Variants in GPM6A observed in about 807,000 individuals in gnomAD.
GPM6A encodes neuronal membrane glycoprotein M6-a.
In GPM6A, 7 loss-of-function variants were observed where a neutral mutation model predicts 32.1. The ratio of observed to expected loss-of-function variants is 0.22; its 90% CI spans 0.12 to 0.41. The LOEUF (loss-of-function observed/expected upper bound fraction) is 0.41, where lower values mean the gene tolerates loss of function less well. Among genes scored for constraint, GPM6A ranks in the 10% least tolerant of loss-of-function variants. The pLI, the probability that GPM6A is intolerant of heterozygous loss-of-function variation, is 1.00. For synonymous variants in GPM6A, 130 were observed against 123.4 expected, an observed-to-expected ratio of 1.05 and a Z score of -0.35; for missense variants, 235 against 347.2, an observed-to-expected ratio of 0.68 and a Z score of 2.57.
chr4:175,898,583 G>A (rs919256202), intron 1 of GPM6A, among the ~76,000 whole-genome samples: 1 of 152,132 alleles, frequency 6.6e-6, no homozygotes, highest in Non-Finnish European at 1.5e-5. Flanking sequence ...GCACTGTGAT[G>A]TGACTGTCTG....
At chr4:175,858,101 G>A (rs551152053) in intron 1 of GPM6A, among the ~76,000 whole-genome samples, 4 of 152,062 alleles carry the variant, frequency 2.6e-5, no homozygotes, top group East Asian at 1.9e-4. Context: ...TAAATAGGTC[G>A]GCCAAAGATT....
chr4:175,902,602 G>A (rs1738003197), intron 1 of GPM6A, among the ~76,000 whole-genome samples: 1 of 152,132 alleles, frequency 6.6e-6, no homozygotes, highest in South Asian at 2.1e-4. Context: ...GGGGTGGCCA[G>A]ATTCTTCCTC....
intron 1 of GPM6A, among the ~76,000 whole-genome samples, chr4:175,995,902 C>T (rs888527121): frequency 7.5e-5 from 11 of 146,162 alleles, no homozygotes; most frequent in African/African-American, 2.7e-4. Flanking sequence ...TTATGTCGTT[C>T]ATACAGGTCA....
intron 1 of GPM6A, among the ~76,000 whole-genome samples, chr4:175,849,455 T>G (rs1167895833): frequency 7.9e-5 from 12 of 152,076 alleles, no homozygotes; most frequent in Admixed American, 7.9e-4. Context: ...CAATGGAGGA[T>G]CATTTGATGA....
intron 2 of GPM6A, among the ~76,000 whole-genome samples, chr4:175,699,251 C>A (rs1025730678): frequency 2.0e-5 from 3 of 152,114 alleles, no homozygotes; most frequent in African/African-American, 7.2e-5. Context: ...CTGCAATAAT[C>A]TAGAGCATTT....
At chr4:175,698,849 T>C (rs1450449097) in intron 2 of GPM6A, among the ~76,000 whole-genome samples, 1 of 152,206 alleles carries the variant, frequency 6.6e-6, no homozygotes, top group East Asian at 1.9e-4. Flanking sequence ...AAATTAAGCA[T>C]ATAATCTCCA....
chr4:175,990,426 AT>A (rs1432569205), intron 1 of GPM6A, among the ~76,000 whole-genome samples: 2 of 152,166 alleles, frequency 1.3e-5, no homozygotes, highest in African/African-American at 4.8e-5. Context: ...TGTCTTACAG[AT>A]TTTTAAATAG....
intron 1 of GPM6A, among the ~76,000 whole-genome samples, chr4:175,897,465 G>C (rs973532035): frequency 4.6e-5 from 7 of 152,246 alleles, no homozygotes; most frequent in South Asian, 2.1e-4. Context: ...TTGAGAAGGG[G>C]AGAGGTGAGG....
chr4:175,903,127 G>T (rs1156663436), intron 1 of GPM6A, among the ~76,000 whole-genome samples: 3 of 152,038 alleles, frequency 2.0e-5, no homozygotes, highest in Admixed American at 2.0e-4. Context: ...TTGATGAAGG[G>T]AAATAATGAT....
At chr4:175,818,137 T>C (rs752711419) in intron 1 of GPM6A, among the ~76,000 whole-genome samples, 1 of 152,196 alleles carries the variant, frequency 6.6e-6, no homozygotes, top group Non-Finnish European at 1.5e-5. Context: ...GTTCTTAGGA[T>C]AGAACTGGCT....
In GPM6A at chr4:175,774,769, T is replaced by C. The variant is rs1043336182; in HGVS notation, c.37+37422A>G. On this transcript the variant is annotated intron_variant, in intron 1 of 6. Coordinates refer to ENST00000393658, the MANE Select transcript of GPM6A (RefSeq NM_201591.3). ...AATCAGTTAAAAACTCAGTCATGGC[T>C]GTCTAATGAAGGACATTTTTCCTGG... 5.3e-5 allele frequency among the ~76,000 whole-genome samples: 8 copies of C among 152,222 alleles called. No homozygotes were observed. The South Asian group carries it at 1.2e-3, about 24-fold the overall frequency.
At chr4:175,666,251 T>A (rs1742748321) in intron 3 of GPM6A, among the ~76,000 whole-genome samples, 1 of 152,102 alleles carries the variant, frequency 6.6e-6, no homozygotes, top group Non-Finnish European at 1.5e-5. Flanking sequence ...GTGTTCCCAA[T>A]ACAATAATGC....
chr4:175,999,372 T>G (rs1741406127), intron 1 of GPM6A, among the ~76,000 whole-genome samples: 1 of 152,224 alleles, frequency 6.6e-6, no homozygotes, highest in Admixed American at 6.5e-5. Context: ...TTTTTTAGTA[T>G]CAACTATTTT....
intron 1 of GPM6A, among the ~76,000 whole-genome samples, chr4:175,806,676 A>G (rs1734708903): frequency 6.6e-6 from 1 of 152,250 alleles, no homozygotes; most frequent in African/African-American, 2.4e-5. Flanking sequence ...TATTAAAAAT[A>G]TAACTAATTT....
At chr4:175,754,675 A>T (rs565879614) in intron 1 of GPM6A, among the ~76,000 whole-genome samples, 1 of 152,316 alleles carries the variant, frequency 6.6e-6, no homozygotes, top group Non-Finnish European at 1.5e-5. Flanking sequence ...ATGATAGCCA[A>T]GGCCAGTATC....
At chr4:175,674,064 T>G (rs1743230098) in intron 2 of GPM6A, among the ~76,000 whole-genome samples, 1 of 152,240 alleles carries the variant, frequency 6.6e-6, no homozygotes, top group East Asian at 1.9e-4. Flanking sequence ...GTTTTCATGT[T>G]TGTCAGTTTC....
At chr4:175,760,065 G>A (rs1560918096) in intron 1 of GPM6A, among the ~76,000 whole-genome samples, 1 of 151,796 alleles carries the variant, frequency 6.6e-6, no homozygotes, top group Non-Finnish European at 1.5e-5. Flanking sequence ...CTGTAATCAC[G>A]GCTACTCTGG....
intron 1 of GPM6A, among the ~76,000 whole-genome samples, chr4:175,978,318 AACTC>A (rs1339601066): frequency 6.6e-6 from 1 of 152,154 alleles, no homozygotes; most frequent in African/African-American, 2.4e-5. Flanking sequence ...ATCTCGTGAG[AACTC>A]ACTAACTATC....
chr4:175,764,935 G>A (rs948747096), intron 1 of GPM6A, among the ~76,000 whole-genome samples: 5 of 150,990 alleles, frequency 3.3e-5, no homozygotes, highest in Admixed American at 6.6e-5. Flanking sequence ...GTGCAATGGC[G>A]CCATCTCAGC....
Sources: gnomAD v4.1 joint callset for allele counts (sites outside exome capture counted in the v4.1 genomes callset) on GRCh38, gnomAD v4.1.1 for gene constraint, MANE v1.5 for transcripts, NCBI Gene and HGNC (gene_info 2026-07-23, HGNC 2026-07-21) for gene names.